The following MARCHF5 variants were observed in gnomAD, a reference collection of about 807,000 sequenced individuals.
The protein encoded by MARCHF5 is E3 ubiquitin-protein ligase MARCHF5.
A neutral mutation model predicts 36.5 loss-of-function variants in MARCHF5; 5 were observed. That is an observed-to-expected ratio of 0.14 (90% CI 0.07 to 0.29). MARCHF5 has a LOEUF of 0.29. Among genes scored for constraint, MARCHF5 ranks in the 10% least tolerant of loss-of-function variants. The pLI, the probability that MARCHF5 is intolerant of heterozygous loss-of-function variation, is 1.00. For missense variants in MARCHF5, 179 were observed against 336.3 expected, an observed-to-expected ratio of 0.53 and a Z score of 3.66; for synonymous variants, 103 against 109.9, an observed-to-expected ratio of 0.94 and a Z score of 0.39.
At chr10:92,326,787 T>G (rs2135200794) in intron 2 of MARCHF5, among the ~76,000 whole-genome samples, 1 of 152,168 alleles carries the variant, frequency 6.6e-6, no homozygotes, top group African/African-American at 2.4e-5. Flanking sequence ...TAAGCAGTTT[T>G]TTTTTTTTTT....
chr10:92,333,542 A>G (rs1036110871), intron 2 of MARCHF5: 12 of 563,398 alleles, frequency 2.1e-5, no homozygotes, highest in East Asian at 1.4e-4. Context: ...TGATGCTGAC[A>G]TGGACAGACA....
chr10:92,322,034 C>T (rs568830872), intron 2 of MARCHF5, among the ~76,000 whole-genome samples: 4 of 151,678 alleles, frequency 2.6e-5, no homozygotes, highest in South Asian at 2.1e-4. Flanking sequence ...CACCTGAGGT[C>T]GGGAGTTCAA....
At chr10:92,299,320 A>C (rs1842985231) in intron 1 of MARCHF5, among the ~76,000 whole-genome samples, 1 of 144,846 alleles carries the variant, frequency 6.9e-6, no homozygotes, top group African/African-American at 2.4e-5. Context: ...ACGTAAAAGG[A>C]TAAAACGTAA....
intron 1 of MARCHF5, 68 bp downstream of exon 1, chr10:92,291,597 C>G: frequency 6.8e-7 from 1 of 1,465,182 alleles, no homozygotes; most frequent in Non-Finnish European, 9.0e-7. Flanking sequence ...CGCCCGCCCT[C>G]GAGGCTCTTG....
At chr10:92,312,028 G>A (rs1381821639) in intron 2 of MARCHF5, among the ~76,000 whole-genome samples, 1 of 152,102 alleles carries the variant, frequency 6.6e-6, no homozygotes, top group Non-Finnish European at 1.5e-5. Context: ...TCAATCTCTT[G>A]GTTTGGTGTT....
At chr10:92,319,740 C>T (rs890688413) in intron 2 of MARCHF5, among the ~76,000 whole-genome samples, 11 of 143,778 alleles carry the variant, frequency 7.7e-5, no homozygotes, top group Admixed American at 6.3e-4. Flanking sequence ...CTGCAACCTC[C>T]GCCTCCCAGG....
chr10:92,351,040 CTG>C (rs1467203732), intron 5 of MARCHF5, 49 bp from the exon 6 acceptor site: 1 of 969,538 alleles, frequency 1.0e-6, no homozygotes, highest in Admixed American at 2.0e-5. Flanking sequence ...TTTTATTACT[CTG>C]TTTCTCTAAA....
intron 1 of MARCHF5, among the ~76,000 whole-genome samples, chr10:92,301,179 G>A (rs998581324): frequency 1.3e-5 from 2 of 152,016 alleles, no homozygotes; most frequent in African/African-American, 2.4e-5. Flanking sequence ...GAGCCACCAC[G>A]CCTGACCTGC....
chr10:92,328,821 A>ATATATATATATATATT (rs372130854), intron 2 of MARCHF5, among the ~76,000 whole-genome samples: 40 of 122,414 alleles, frequency 3.3e-4, no homozygotes, highest in African/African-American at 1.3e-3. Context: ...ATATATATAT[A>ATATATATATATATATT]TTTTTTTTTT....
At chr10:92,328,595 T>C (rs956053138) in intron 2 of MARCHF5, among the ~76,000 whole-genome samples, 4 of 151,748 alleles carry the variant, frequency 2.6e-5, no homozygotes, top group South Asian at 2.1e-4. Flanking sequence ...ACTTCAGATA[T>C]TGCTTTTCCC....
Position 92,352,816 on chromosome 10 carries a change from TAAG to T in MARCHF5, c.*1612_*1614del, listed in dbSNP as rs1373770255. On this transcript the variant is annotated 3_prime_UTR_variant, in exon 6 of 6. Transcript: ENST00000358935. ...AGATTTGACTAACAGTGAGCCTTAT[TAAG>T]AACACTACTACAGTTCTGAAGGGGA... 6 of 152,618 alleles carry T rather than the reference TAAG, an allele frequency of 3.9e-5. No homozygotes were observed. The highest frequency in any genetic ancestry group is 7.3e-5 in the Non-Finnish European group (5 of 68,028). 9.5% of individuals were successfully genotyped at this position (152,618 alleles called of 1,614,324 possible).
At position 92,291,499 on chromosome 10, in the gene MARCHF5, C is replaced by G. The variant is rs764695362; in HGVS notation, c.5C>G (p.Pro2Arg). Reference sequence around the variant, plus strand: ...TGTGCGCCGGCTCCGCGGAAGATGCCGGACCAAGCCCTACAGCAGATGCTG... The same window carrying G: ...TGTGCGCCGGCTCCGCGGAAGATGCGGGACCAAGCCCTACAGCAGATGCTG... The part of the protein sequence containing the change: M[P>R]DQALQQMLDR... Residue 2 changes from proline to arginine, a missense_variant, in exon 1 of 6, where the codon CCG (proline) becomes CGG (arginine). Pro to Arg is a moderately radical substitution (Grantham distance 103). Coordinates refer to ENST00000358935, the MANE Select transcript of MARCHF5 (RefSeq NM_017824.5). 1.3e-6 allele frequency: 2 copies of G among 1,548,428 alleles called. No individual in the cohort carries two copies. The highest frequency in any genetic ancestry group is 1.2e-5 in the South Asian group (1 of 84,020).
intron 3 of MARCHF5, among the ~76,000 whole-genome samples, chr10:92,346,574 C>T (rs1259610144): frequency 1.5e-4 from 22 of 150,152 alleles, no homozygotes; most frequent in African/African-American, 5.4e-4. Flanking sequence ...CTGCAACCTC[C>T]ACCTCTTGGG....
intron 2 of MARCHF5, among the ~76,000 whole-genome samples, chr10:92,318,950 A>C (rs11817488): frequency 0.072 from 10,894 of 151,618 alleles, 1,274 homozygotes; most frequent in African/African-American, 0.25. Flanking sequence ...CAGGTGATCC[A>C]CCCGCCTCGG....
chr10:92,350,816 A>G (rs1230806079), intron 5 of MARCHF5, among the ~76,000 whole-genome samples: 2 of 152,146 alleles, frequency 1.3e-5, no homozygotes, highest in African/African-American at 4.8e-5. Flanking sequence ...TCTTCTTTGT[A>G]TATCAGAGTA....
At chr10:92,319,615 A>G (rs1843263551) in intron 2 of MARCHF5, among the ~76,000 whole-genome samples, 1 of 146,158 alleles carries the variant, frequency 6.8e-6, no homozygotes, top group South Asian at 2.1e-4. Flanking sequence ...TTTTATCATT[A>G]CTTTTAAAAA....
rs779556607 is a variant in MARCHF5, at chr10:92,349,777, T to A, written c.660T>A (p.Ala220=). Reference sequence around the variant, plus strand: ...GAGCCCTTGTCTTTCCTACTATTGCTACAATAGTTGGTAAATTGATGTTCA... The same window carrying A: ...GAGCCCTTGTCTTTCCTACTATTGCAACAATAGTTGGTAAATTGATGTTCA... The part of the protein sequence containing the change: ...LCGALVFPTI[A]TIVGKLMFSS... The change falls in exon 5 of 6, where the codon GCT becomes GCA. Residue 220 remains alanine (A), a synonymous_variant. Transcript: ENST00000358935. The A allele has an allele frequency of 3.7e-6, 6 of 1,609,660 alleles. No homozygotes were observed. The South Asian group carries it at 4.4e-5, about 12-fold the overall frequency.
At chr10:92,291,873 G>A (rs1842874141) in intron 1 of MARCHF5, among the ~76,000 whole-genome samples, 2 of 151,698 alleles carry the variant, frequency 1.3e-5, no homozygotes, top group South Asian at 2.1e-4. Flanking sequence ...GTTTGTCAGC[G>A]ATGTCACTGG....
At chr10:92,339,301 C>T (rs1052841062) in intron 2 of MARCHF5, among the ~76,000 whole-genome samples, 14 of 152,074 alleles carry the variant, frequency 9.2e-5, no homozygotes, top group Non-Finnish European at 1.5e-4. Context: ...GCCCAGGAGG[C>T]GGAGGGTGCA....
Sources: gnomAD v4.1 joint callset for allele counts (sites outside exome capture counted in the v4.1 genomes callset) on GRCh38, gnomAD v4.1.1 for gene constraint, MANE v1.5 for transcripts, NCBI Gene and HGNC (gene_info 2026-07-23, HGNC 2026-07-21) for gene names.